Variants in SLC15A5 observed in about 807,000 individuals in gnomAD.
SLC15A5 encodes the protein Peptide/histidine transporter ENSP00000340402.
Under a neutral mutation model 56.1 loss-of-function variants are expected in SLC15A5, and 58 were observed. That is an observed-to-expected ratio of 1.03 (90% CI 0.84 to 1.29). SLC15A5 has a LOEUF of 1.29. Ranked by LOEUF, SLC15A5 falls within the 50% of genes most tolerant of loss-of-function variation. The probability of loss-of-function intolerance (pLI) is 0.00; values close to 1 mark genes in which losing one functional copy is unlikely to be tolerated. For synonymous variants in SLC15A5, 264 were observed against 250.5 expected, an observed-to-expected ratio of 1.05 and a Z score of -0.51; for missense variants, 681 against 672.1, an observed-to-expected ratio of 1.01 and a Z score of -0.15.
intron 2 of SLC15A5, among the ~76,000 whole-genome samples, chr12:16,260,769 T>A (rs1864636057): frequency 6.7e-6 from 1 of 149,840 alleles, no homozygotes; most frequent in Non-Finnish European, 1.5e-5. Flanking sequence ...TTTTTTTTTT[T>A]AGATCACTTT....
chr12:16,209,914 C>T (rs529674043), intron 7 of SLC15A5, among the ~76,000 whole-genome samples: 1 of 152,220 alleles, frequency 6.6e-6, no homozygotes, highest in South Asian at 2.1e-4. Flanking sequence ...ATGATCTTCC[C>T]CAAACACCAG....
intron 5 of SLC15A5, among the ~76,000 whole-genome samples, chr12:16,229,340 T>TCTTAAA (rs1378558231): frequency 1.3e-5 from 2 of 152,202 alleles, no homozygotes; most frequent in East Asian, 3.8e-4. Flanking sequence ...TTCTTGAATA[T>TCTTAAA]CTTAAACTCT....
chr12:16,205,588 T>C (rs1309446548), intron 7 of SLC15A5, among the ~76,000 whole-genome samples: 2,088 of 22,360 alleles, frequency 0.093, 165 homozygotes, highest in African/African-American at 0.24. Context: ...TGCATATATA[T>C]ATACATATAC....
chr12:16,266,229 C>G (rs1160990086), intron 2 of SLC15A5, among the ~76,000 whole-genome samples: 1 of 152,200 alleles, frequency 6.6e-6, no homozygotes, highest in Non-Finnish European at 1.5e-5. Flanking sequence ...TGACTTGTGG[C>G]TGTAGCAACA....
rs1378793021 is a variant in SLC15A5 at position 16,239,690 on chromosome 12, T to C, written c.1153A>G (p.Thr385Ala). 1.3e-6 allele frequency: 2 copies of C among 1,536,124 alleles called. No individual in the cohort carries two copies. Among genetic ancestry groups the C allele is most frequent in the African/African-American group, 2.7e-5 (2 of 73,008 alleles). ...PSKRVGSFLSTCIIAGNLFAA... is the reference protein window; with the variant it reads ...PSKRVGSFLSACIIAGNLFAA... The stretch of plus-strand genomic sequence containing the variant: ...GTTAAATTGTACTTACTGATGCATG[T>C]TGACAGAAATGATCCAACTCTCTTA... Residue 385 changes from threonine to alanine, a missense_variant, in exon 5 of 9, where the codon ACA becomes GCA. Physicochemically the swap from Thr to Ala is moderately conservative, Grantham distance 58. Coordinates refer to ENST00000344941, the MANE Select transcript of SLC15A5 (RefSeq NM_001170798.1).
intron 7 of SLC15A5, among the ~76,000 whole-genome samples, chr12:16,201,064 A>T (rs1004673220): frequency 6.6e-6 from 1 of 152,178 alleles, no homozygotes; most frequent in Non-Finnish European, 1.5e-5. Flanking sequence ...CAAAACTCTT[A>T]CGGAAATGAG....
At chr12:16,214,485 A>G (rs1362976277) in intron 7 of SLC15A5, among the ~76,000 whole-genome samples, 3 of 152,198 alleles carry the variant, frequency 2.0e-5, no homozygotes, top group African/African-American at 2.4e-5. Flanking sequence ...TCAGACTTGG[A>G]GCTTTGAGCC....
At chr12:16,274,580 A>G (rs1478608720) in intron 1 of SLC15A5, among the ~76,000 whole-genome samples, 5 of 152,094 alleles carry the variant, frequency 3.3e-5, no homozygotes, top group African/African-American at 1.2e-4. Flanking sequence ...CAACAGATTC[A>G]TTTACCATGA....
Position 16,267,595 on chromosome 12 carries a change from G to A in SLC15A5, c.584+4966C>T, listed in dbSNP as rs1386339837. On this transcript the variant is annotated intron_variant, in intron 2 of 8. Transcript: ENST00000344941. ...TTTTAATTTAAAAATTTGGGGGACT[G>A]CTTTACTCTCTCTCCCAAGCTCTCC... Among the ~76,000 whole-genome samples the A allele has an allele frequency of 3.6e-5, 4 of 111,574 alleles. 1 individual carries two copies. Among genetic ancestry groups the A allele is most frequent in the Non-Finnish European group, 7.5e-5 (4 of 53,392 alleles). 73.2% of individuals were successfully genotyped at this position (111,574 alleles called of 152,430 possible). A position where few individuals can be genotyped will look rare whatever the true frequency, so the allele number is the denominator to read the frequency against.
chr12:16,263,344 A>G (rs1864661352), intron 2 of SLC15A5, among the ~76,000 whole-genome samples: 1 of 152,102 alleles, frequency 6.6e-6, no homozygotes, highest in African/African-American at 2.4e-5. Flanking sequence ...AACTTGAGAG[A>G]GATGATTTAG....
intron 7 of SLC15A5, among the ~76,000 whole-genome samples, chr12:16,199,101 A>G (rs1326217496): frequency 6.6e-6 from 1 of 151,974 alleles, no homozygotes; most frequent in Non-Finnish European, 1.5e-5. Flanking sequence ...ATTCAAAGCA[A>G]CCAATCACAT....
At chr12:16,264,935 G>C (rs145549314) in intron 2 of SLC15A5, among the ~76,000 whole-genome samples, 8 of 152,156 alleles carry the variant, frequency 5.3e-5, no homozygotes, top group Non-Finnish European at 1.5e-5. Context: ...TCAGCAGCAT[G>C]AAAGTGGACT....
intron 6 of SLC15A5, among the ~76,000 whole-genome samples, chr12:16,218,613 C>T (rs571932149): frequency 2.0e-5 from 3 of 152,232 alleles, no homozygotes; most frequent in African/African-American, 7.2e-5. Context: ...AATTAGAGCA[C>T]AGTGCTAAGT....
rs535839944 is a variant in SLC15A5 at position 16,193,010 on chromosome 12, A to G, written c.1592+1335T>C. Reference sequence around the variant, plus strand: ...TGACTAAATTATTTTATGAAAGACAAGGATCAAACCTTACCATAGGATACA... The same window carrying G: ...TGACTAAATTATTTTATGAAAGACAGGGATCAAACCTTACCATAGGATACA... On this transcript the variant is annotated intron_variant, in intron 8 of 8. Coordinates refer to ENST00000344941, the MANE Select transcript of SLC15A5 (RefSeq NM_001170798.1). Among the ~76,000 whole-genome samples, 13 of 152,234 alleles carry G rather than the reference A, an allele frequency of 8.5e-5. No individual in the cohort carries two copies. The South Asian group carries it at 2.7e-3, about 32-fold the overall frequency.
chr12:16,256,644 G>A (rs921955478), intron 3 of SLC15A5, among the ~76,000 whole-genome samples: 1 of 152,148 alleles, frequency 6.6e-6, no homozygotes, highest in African/African-American at 2.4e-5. Context: ...CAGATCACGA[G>A]GTCAGGAGAT....
chr12:16,209,641 C>T (rs1199012690), intron 7 of SLC15A5, among the ~76,000 whole-genome samples: 2 of 152,124 alleles, frequency 1.3e-5, no homozygotes, highest in African/African-American at 4.8e-5. Flanking sequence ...TTTGCCCACC[C>T]AGTAGCTCAT....
At chr12:16,267,484 TA>T (rs1439613525) in intron 2 of SLC15A5, among the ~76,000 whole-genome samples, 1 of 116,126 alleles carries the variant, frequency 8.6e-6, no homozygotes, top group African/African-American at 3.3e-5. Flanking sequence ...TGTAAATACA[TA>T]TTTTTTTTTC....
chr12:16,203,256 T>C (rs1292739605), intron 7 of SLC15A5, among the ~76,000 whole-genome samples: 1 of 152,166 alleles, frequency 6.6e-6, no homozygotes, highest in Non-Finnish European at 1.5e-5. Flanking sequence ...CAATTACTAT[T>C]TGTCAATTAA....
chr12:16,208,034 T>C (rs1216814822), intron 7 of SLC15A5, among the ~76,000 whole-genome samples: 1 of 152,078 alleles, frequency 6.6e-6, no homozygotes, highest in Non-Finnish European at 1.5e-5. Flanking sequence ...CTCTTCCAAC[T>C]CCCCATTCTC....
Sources: gnomAD v4.1 joint callset for allele counts (sites outside exome capture counted in the v4.1 genomes callset) on GRCh38, gnomAD v4.1.1 for gene constraint, MANE v1.5 for transcripts, NCBI Gene and HGNC (gene_info 2026-07-23, HGNC 2026-07-21) for gene names.